The following FAM135B variants were observed in gnomAD, a reference collection of about 807,000 sequenced individuals.
FAM135B encodes protein FAM135B.
Under a neutral mutation model 127.7 loss-of-function variants are expected in FAM135B, and 43 were observed. That is an observed-to-expected ratio of 0.34 (90% CI 0.26 to 0.43). FAM135B has a LOEUF of 0.43. Among genes scored for constraint, FAM135B ranks in the 20% least tolerant of loss-of-function variants. The pLI, the probability that FAM135B is intolerant of heterozygous loss-of-function variation, is 1.00. For synonymous variants in FAM135B, 670 were observed against 665.1 expected (o/e 1.01, Z -0.11); for missense variants, 1,558 against 1,725.6 (o/e 0.90, Z 1.72).
At chr8:138,195,809 G>A (rs887118833) in intron 8 of FAM135B, among the ~76,000 whole-genome samples, 42 of 152,336 alleles carry the variant, frequency 2.8e-4, no homozygotes, top group African/African-American at 9.6e-4. Flanking sequence ...CTTATCAGCA[G>A]AAACCAGGTG....
At chr8:138,460,673 A>G (rs1837069224) in intron 1 of FAM135B, among the ~76,000 whole-genome samples, 1 of 151,910 alleles carries the variant, frequency 6.6e-6, no homozygotes, top group Admixed American at 6.6e-5. Context: ...GACTAATGAA[A>G]TAAAAGAATA....
At position 138,432,862 on chromosome 8, in the gene FAM135B, G is replaced by T. The variant is rs147348829; in HGVS notation, c.-20+63809C>A. 4.6e-5 allele frequency among the ~76,000 whole-genome samples: 7 copies of T among 152,134 alleles called. No homozygotes were observed. The East Asian group carries it at 1.4e-3, about 30-fold the overall frequency. On this transcript the variant is annotated intron_variant, in intron 1 of 19. Coordinates refer to ENST00000395297, the MANE Select transcript of FAM135B (RefSeq NM_015912.4). ...TCCATGGCTCAGCTTGATTCAATTTGTTGGGGGGTGACGGGGCCCCAGAAA... is the reference window on the plus strand; with the variant it reads ...TCCATGGCTCAGCTTGATTCAATTTTTTGGGGGGTGACGGGGCCCCAGAAA...
chr8:138,136,063 A>G (rs1816635587), intron 19 of FAM135B, among the ~76,000 whole-genome samples: 1 of 152,094 alleles, frequency 6.6e-6, no homozygotes, highest in Admixed American at 6.6e-5. Flanking sequence ...TCAGAAAAAA[A>G]GAATCATTTT....
rs1490593730 is a variant in FAM135B, at chr8:138,141,379, G to A, written c.3639-30C>T. 1 of 1,612,396 alleles carries A rather than the reference G, an allele frequency of 6.2e-7. No homozygotes were observed. The highest frequency in any genetic ancestry group is 8.5e-7 in the Non-Finnish European group (1 of 1,178,704). ...GGAGAAACAGAAGGGGTACCCATGA[G>A]TGTGACGGTGAATGCTGCTGCCCAA... On this transcript the variant is annotated intron_variant, in intron 16 of 19. Coordinates refer to ENST00000395297, the MANE Select transcript of FAM135B (RefSeq NM_015912.4). The surrounding 1 kb of genome is among the most constrained non-coding windows in gnomAD (Gnocchi z 4.7).
chr8:138,332,546 A>G (rs1052650762), intron 2 of FAM135B, among the ~76,000 whole-genome samples: 2 of 152,034 alleles, frequency 1.3e-5, no homozygotes, highest in African/African-American at 2.4e-5. Flanking sequence ...CTGGTTGCAA[A>G]GATCACACTC....
At chr8:138,397,651 A>G (rs1832922965) in intron 1 of FAM135B, among the ~76,000 whole-genome samples, 1 of 152,142 alleles carries the variant, frequency 6.6e-6, no homozygotes, top group Non-Finnish European at 1.5e-5. Flanking sequence ...CTTATATCTT[A>G]GCAGTGACAT....
chr8:138,372,113 T>C (rs1276220352), intron 1 of FAM135B, among the ~76,000 whole-genome samples: 1 of 152,218 alleles, frequency 6.6e-6, no homozygotes, highest in East Asian at 1.9e-4. Flanking sequence ...GCCTTTGCCA[T>C]GCCTCAGTCT....
chr8:138,421,806 GA>G (rs1834526480), intron 1 of FAM135B, among the ~76,000 whole-genome samples: 1 of 151,956 alleles, frequency 6.6e-6, no homozygotes. Context: ...ATATGAAACT[GA>G]AAGAGCCTGA....
chr8:138,265,971 A>C (rs900017885), intron 3 of FAM135B, 129 bp from the exon 4 acceptor site: 44 of 902,860 alleles, frequency 4.9e-5, no homozygotes, highest in African/African-American at 6.6e-5. Flanking sequence ...AAAGCTTAAA[A>C]TCACAGTAAA....
intron 12 of FAM135B, among the ~76,000 whole-genome samples, chr8:138,158,942 A>G (rs200496236): frequency 6.6e-5 from 10 of 152,264 alleles, no homozygotes; most frequent in African/African-American, 2.4e-4. Flanking sequence ...CCATTACTGG[A>G]TATACACCCA....
At chr8:138,264,262 T>C (rs149402935) in intron 4 of FAM135B, among the ~76,000 whole-genome samples, 3 of 152,368 alleles carry the variant, frequency 2.0e-5, no homozygotes, top group African/African-American at 7.2e-5. Context: ...CTCTTCTGTC[T>C]GTCACTTGTC....
rs148164075 is a variant in FAM135B, at chr8:138,182,813, C to T, written c.874-4123G>A. Among the ~76,000 whole-genome samples, 1,002 of 152,334 alleles carry T rather than the reference C, an allele frequency of 6.6e-3. 5 individuals are homozygous for T. Among genetic ancestry groups the T allele is most frequent in the Middle Eastern group, 0.024 (7 of 294 alleles). ...CTGGTCCTCAATTATGGTTGCCCATCGGAATCACTAGGAGGCTATAAGTCC... is the reference window on the plus strand; with the variant it reads ...CTGGTCCTCAATTATGGTTGCCCATTGGAATCACTAGGAGGCTATAAGTCC... On this transcript the variant is annotated intron_variant, in intron 9 of 19. Coordinates refer to ENST00000395297, the MANE Select transcript of FAM135B (RefSeq NM_015912.4).
chr8:138,438,653 T>C (rs796952433), intron 1 of FAM135B: 6 of 152,132 alleles, frequency 3.9e-5, no homozygotes, highest in African/African-American at 1.4e-4. Context: ...GATCAGAGGA[T>C]GGAAAACAAC....
chr8:138,232,711 T>A (rs1296346375), intron 7 of FAM135B, among the ~76,000 whole-genome samples: 1 of 152,228 alleles, frequency 6.6e-6, no homozygotes, highest in South Asian at 2.1e-4. Context: ...GTTTTTTAAC[T>A]ATAAAACTTT....
chr8:138,339,358 A>ACTAAATATATATATAT (rs1554669016), intron 2 of FAM135B, among the ~76,000 whole-genome samples: 10 of 147,710 alleles, frequency 6.8e-5, no homozygotes, highest in African/African-American at 2.6e-4. Context: ...AAACTAACTA[A>ACTAAATATATATATAT]ATATATATAT....
intron 9 of FAM135B, among the ~76,000 whole-genome samples, chr8:138,188,519 T>C (rs1815791582): frequency 6.6e-6 from 1 of 152,208 alleles, no homozygotes. Context: ...TGTCTGTGGA[T>C]ACAGACAAAT....
chr8:138,415,911 A>C (rs1834118840), intron 1 of FAM135B, among the ~76,000 whole-genome samples: 1 of 152,108 alleles, frequency 6.6e-6, no homozygotes, highest in Non-Finnish European at 1.5e-5. Context: ...TAGAAACTAA[A>C]ATTCTACTTC....
At chr8:138,191,565 T>G (rs1190005041) in intron 9 of FAM135B, among the ~76,000 whole-genome samples, 1 of 152,192 alleles carries the variant, frequency 6.6e-6, no homozygotes, top group South Asian at 2.1e-4. Context: ...CTAGGCTATG[T>G]GCTGCATGAG....
chr8:138,197,619 C>G lies in FAM135B; in HGVS notation c.720G>C (p.Trp240Cys), dbSNP rs2131139733. 1.2e-6 allele frequency: 2 copies of G among 1,614,110 alleles called. No homozygotes were observed. Among genetic ancestry groups the G allele is most frequent in the South Asian group, 2.2e-5 (2 of 91,060 alleles). Reference sequence around the variant, plus strand: ...GGAGCAACAGGCACAGGTCTCGGTGCCACTTGTGTGCGTGCTGCATGCAGT... The same window carrying G: ...GGAGCAACAGGCACAGGTCTCGGTGGCACTTGTGTGCGTGCTGCATGCAGT... The part of the protein sequence containing the change: ...SENCMQHAHK[W>C]HRDLCLLLLH... Residue 240 changes from tryptophan (W) to cysteine (C), a missense_variant, in exon 8 of 20, where the codon TGG becomes TGC. Around this residue, in one of 5 missense-constraint regions of FAM135B, gnomAD observed 127 missense variants for 109.7 expected, o/e 1.16. Transcript: ENST00000395297.
Sources: allele counts gnomAD v4.1 joint callset (sites outside exome capture counted in the v4.1 genomes callset), GRCh38; gene constraint gnomAD v4.1.1; regional missense constraint gnomAD v4.1.1; non-coding constraint Gnocchi (gnomAD v3.1); transcripts MANE v1.5; gene names NCBI Gene and HGNC (gene_info 2026-07-23, HGNC 2026-07-21).